Variants in RAMP1 observed in about 807,000 individuals in gnomAD.
RAMP1 encodes receptor activity-modifying protein 1.
In RAMP1, 7 loss-of-function variants were observed where a neutral mutation model predicts 8.2. That is an observed-to-expected ratio of 0.85 (90% CI 0.49 to 1.60). The LOEUF (loss-of-function observed/expected upper bound fraction) is 1.60. Among genes scored for constraint, RAMP1 ranks in the 40% most tolerant of loss-of-function variants. RAMP1 has a pLI of 0.00. For missense variants in RAMP1, 192 were observed against 202.4 expected (o/e 0.95, Z 0.31); for synonymous variants, 92 against 84.7 (o/e 1.09, Z -0.47).
intron 2 of RAMP1, among the ~76,000 whole-genome samples, chr2:237,901,460 C>T (rs140737766): frequency 5.6e-4 from 85 of 152,274 alleles, no homozygotes; most frequent in Admixed American, 1.6e-3. Context: ...TCTTTGAGGA[C>T]GTGACATTTA....
At chr2:237,906,801 C>A (rs2062655679) in intron 2 of RAMP1, among the ~76,000 whole-genome samples, 1 of 146,574 alleles carries the variant, frequency 6.8e-6, no homozygotes, top group Admixed American at 7.1e-5. Flanking sequence ...CAACTCACTG[C>A]AACCTCCGCC....
chr2:237,897,041 G>A (rs1490537257), intron 2 of RAMP1, among the ~76,000 whole-genome samples: 1 of 152,222 alleles, frequency 6.6e-6, no homozygotes, highest in Non-Finnish European at 1.5e-5. Flanking sequence ...ACCTGCCCCA[G>A]CCTCAGTGGG....
At chr2:237,903,112 G>A (rs762236767) in intron 2 of RAMP1, among the ~76,000 whole-genome samples, 1 of 152,016 alleles carries the variant, frequency 6.6e-6, no homozygotes, top group Non-Finnish European at 1.5e-5. Flanking sequence ...TCCTGCCTCA[G>A]CCTCCCAAAG....
In RAMP1 at chr2:237,877,054, A is replaced by G. The variant is rs2062313195; in HGVS notation, c.53-170A>G. On this transcript the variant is annotated intron_variant, in intron 1 of 2. Coordinates refer to ENST00000254661, the MANE Select transcript of RAMP1 (RefSeq NM_005855.4). This position sits in a 1 kb window ranked among gnomAD's most constrained non-coding sequence, Gnocchi z 4.4. ...AGGCAGGGAGGGCCTTTGCCAGGTC[A>G]CAGAACAATTGATGAAGAGCGTCCA... 6.6e-6 allele frequency among the ~76,000 whole-genome samples: 1 copy of G among 152,188 alleles called. No homozygotes were observed. Among genetic ancestry groups the G allele is most frequent in the African/African-American group, 2.4e-5 (1 of 41,454 alleles).
chr2:237,902,295 AGGAGGAGGAGGGGCTG>A (rs1163231152), intron 2 of RAMP1, among the ~76,000 whole-genome samples: 8 of 73,608 alleles, frequency 1.1e-4, no homozygotes, highest in Non-Finnish European at 2.7e-5. Flanking sequence ...AGGGATCGGG[AGGAGGAGGAGGGGCTG>A]GGAGGAGGAG....
At chr2:237,907,913 C>T (rs192000398) in intron 2 of RAMP1, among the ~76,000 whole-genome samples, 10 of 152,310 alleles carry the variant, frequency 6.6e-5, no homozygotes, top group South Asian at 2.1e-4. Context: ...GAGGTGACTA[C>T]GGTCAATAGT....
At chr2:237,892,692 T>C (rs569703857) in intron 2 of RAMP1, among the ~76,000 whole-genome samples, 2 of 152,240 alleles carry the variant, frequency 1.3e-5, no homozygotes, top group East Asian at 3.9e-4. Flanking sequence ...CACTTTGGCC[T>C]CCCCTGTGTG....
chr2:237,878,002 C>T lies in RAMP1; in HGVS notation c.191+640C>T, dbSNP rs2062327321. Reference sequence around the variant, plus strand: ...GGGTTCTCCCCAGCAGGCCCAGGCTCCTCTGCCTCCAGAGCGGCGATCAGA... The same window carrying T: ...GGGTTCTCCCCAGCAGGCCCAGGCTTCTCTGCCTCCAGAGCGGCGATCAGA... On this transcript the variant is annotated intron_variant, in intron 2 of 2. Coordinates refer to ENST00000254661, the MANE Select transcript of RAMP1 (RefSeq NM_005855.4). The surrounding 1 kb of genome is among the most constrained non-coding windows in gnomAD (Gnocchi z 5.7). 1 of 985,350 alleles carries T rather than the reference C, an allele frequency of 1.0e-6. No individual in the cohort carries two copies. Among genetic ancestry groups the T allele is most frequent in the African/African-American group, 1.7e-5 (1 of 57,254 alleles). The allele number at this position is 985,350 out of a possible 1,614,324, so 61.0% of individuals were successfully genotyped here.
chr2:237,861,803 A>G (rs142091048), intron 1 of RAMP1, among the ~76,000 whole-genome samples: 45 of 151,842 alleles, frequency 3.0e-4, no homozygotes, highest in African/African-American at 1.1e-3. Flanking sequence ...GTGAGCTGAG[A>G]TCATGCCACT....
chr2:237,883,962 C>T lies in RAMP1; in HGVS notation c.191+6600C>T, dbSNP rs543818306. ...GCGCATTCAGGGTTTGTAGCCACTG[C>T]GCTTGCCCTGGGACCTTGGCTGCCC... On this transcript the variant is annotated intron_variant, in intron 2 of 2. Coordinates refer to ENST00000254661, the MANE Select transcript of RAMP1 (RefSeq NM_005855.4). Among the ~76,000 whole-genome samples, 56 of 131,818 alleles carry T rather than the reference C, an allele frequency of 4.2e-4. 1 individual carries two copies. Among genetic ancestry groups the T allele is most frequent in the African/African-American group, 1.2e-3 (39 of 33,070 alleles). 86.5% of individuals were successfully genotyped at this position (131,818 alleles called of 152,430 possible). A position where few individuals can be genotyped will look rare whatever the true frequency, so the allele number is the denominator to read the frequency against.
At chr2:237,907,107 AC>A (rs1280704006) in intron 2 of RAMP1, among the ~76,000 whole-genome samples, 1 of 152,180 alleles carries the variant, frequency 6.6e-6, no homozygotes, top group African/African-American at 2.4e-5. Context: ...AACCTCTAAT[AC>A]TTTCAAGATG....
At chr2:237,867,656 T>C (rs1046349445) in intron 1 of RAMP1, among the ~76,000 whole-genome samples, 3 of 152,106 alleles carry the variant, frequency 2.0e-5, no homozygotes, top group Admixed American at 6.5e-5. Flanking sequence ...ACAGGAGAAG[T>C]GGTCAGAGGC....
At chr2:237,911,448 C>T (rs1025402400) in intron 2 of RAMP1, 80 bp from the exon 3 acceptor site, 16 of 1,552,218 alleles carry the variant, frequency 1.0e-5, no homozygotes, top group East Asian at 2.3e-5. Context: ...TGAGGGGCCA[C>T]GGTGCAGCAG....
At chr2:237,866,929 A>G (rs144394758) in intron 1 of RAMP1, among the ~76,000 whole-genome samples, 261 of 152,194 alleles carry the variant, frequency 1.7e-3, no homozygotes, top group African/African-American at 5.2e-3. Context: ...GGGTTTCACT[A>G]TCTTGGCCAG....
intron 2 of RAMP1, among the ~76,000 whole-genome samples, chr2:237,880,216 G>C (rs1244724829): frequency 6.6e-6 from 1 of 152,134 alleles, no homozygotes; most frequent in African/African-American, 2.4e-5. Context: ...TAATCAGGTG[G>C]CTTTGAGATG....
At chr2:237,901,943 C>T (rs915544999) in intron 2 of RAMP1, among the ~76,000 whole-genome samples, 3 of 152,026 alleles carry the variant, frequency 2.0e-5, no homozygotes, top group Non-Finnish European at 4.4e-5. Context: ...CCATCCTGGG[C>T]ACAGTGATGG....
chr2:237,911,535 A>C lies in RAMP1; in HGVS notation c.199A>C (p.Arg67=). The change falls in exon 3 of 3, where the codon AGG becomes CGG. Residue 67 remains arginine (R), a synonymous_variant. Transcript: ENST00000254661. ...CDWGRTIRSY[R]ELADCTWHMA... ...CTCCTCTTCCATCCGCAGGAGCTACAGGGAGCTGGCCGACTGCACCTGGCA... is the reference window on the plus strand; with the variant it reads ...CTCCTCTTCCATCCGCAGGAGCTACCGGGAGCTGGCCGACTGCACCTGGCA... 1 of 1,614,062 alleles carries C rather than the reference A, an allele frequency of 6.2e-7. No homozygotes were observed. The highest frequency in any genetic ancestry group is 8.5e-7 in the Non-Finnish European group (1 of 1,179,950).
At chr2:237,898,024 C>T (rs748234120) in intron 2 of RAMP1, among the ~76,000 whole-genome samples, 1 of 152,130 alleles carries the variant, frequency 6.6e-6, no homozygotes, top group Non-Finnish European at 1.5e-5. Context: ...GTCTCAAACT[C>T]CTGACCTCAG....
Position 237,911,087 on chromosome 2 carries a change from CAT to C in RAMP1, c.192-439_192-438del, listed in dbSNP as rs200693196. ...AGTCGCACACAGAATAACAGTTACA[CAT>C]AGTCACACACAGTCACACACAAAGA... is the stretch of plus-strand genomic sequence containing the variant. On this transcript the variant is annotated intron_variant, in intron 2 of 2. Coordinates refer to ENST00000254661, the MANE Select transcript of RAMP1 (RefSeq NM_005855.4). 5.1e-3 allele frequency among the ~76,000 whole-genome samples: 777 copies of C among 152,126 alleles called. 7 individuals carry two copies. Among genetic ancestry groups the C allele is most frequent in the African/African-American group, 0.018 (741 of 41,516 alleles).
Sources: gnomAD v4.1 joint callset for allele counts (sites outside exome capture counted in the v4.1 genomes callset) on GRCh38, gnomAD v4.1.1 for gene constraint, Gnocchi (gnomAD v3.1) non-coding constraint, MANE v1.5 for transcripts, NCBI Gene and HGNC (gene_info 2026-07-23, HGNC 2026-07-21) for gene names.